DPP10: variants seen among roughly 807,000 people sequenced by gnomAD.
DPP10 encodes the protein dipeptidyl peptidase like 10, also known as inactive dipeptidyl peptidase 10.
Under a neutral mutation model 120.9 loss-of-function variants are expected in DPP10, and 33 were observed. The observed-to-expected ratio is 0.27, with a 90% confidence interval of 0.21 to 0.37. DPP10 has a LOEUF of 0.37. Among genes scored for constraint, DPP10 ranks in the 10% least tolerant of loss-of-function variants. DPP10 has a pLI of 1.00. For missense variants in DPP10, 816 were observed against 942.8 expected, an observed-to-expected ratio of 0.87 and a Z score of 1.76; for synonymous variants, 337 against 326.1, an observed-to-expected ratio of 1.03 and a Z score of -0.36.
chr2:114,878,299 T>G (rs1320828912), intron 1 of DPP10, among the ~76,000 whole-genome samples: 2 of 152,080 alleles, frequency 1.3e-5, no homozygotes, highest in Non-Finnish European at 2.9e-5. Flanking sequence ...TCATTTATAT[T>G]TTATTGATAC....
chr2:115,712,540 T>TTTTATATATATATATATATATATA lies in DPP10; in HGVS notation c.577-15275_577-15274insTTATATATATATATATATATATAT, dbSNP rs778592374. ...AGAAATAGCTTTGAAGAGTCCTGAATTAAATATATATATATATATATATAT... is the reference window on the plus strand; with the variant it reads ...AGAAATAGCTTTGAAGAGTCCTGAATTTTATATATATATATATATATATATAAATATATATATATATATATATAT... On this transcript the variant is annotated intron_variant, in intron 7 of 25. Coordinates refer to ENST00000410059, the MANE Select transcript of DPP10 (RefSeq NM_020868.6). Among the ~76,000 whole-genome samples, 131 of 18,052 alleles carry TTTTATATATATATATATATATATA rather than the reference T, an allele frequency of 7.3e-3. 5 individuals carry two copies. The highest frequency in any genetic ancestry group is 0.072 in the East Asian group (20 of 278). The allele number at this position is 18,052 out of a possible 152,430, so 11.8% of individuals were successfully genotyped here. A position where few individuals can be genotyped will look rare whatever the true frequency, so the allele number is the denominator to read the frequency against.
intron 3 of DPP10, among the ~76,000 whole-genome samples, chr2:115,382,201 A>G (rs1045636706): frequency 6.6e-5 from 10 of 152,078 alleles, no homozygotes; most frequent in East Asian, 1.9e-4. Context: ...TGTGCTATCA[A>G]TCAGCGAGAC....
chr2:115,238,132 C>A (rs942538060), intron 1 of DPP10, among the ~76,000 whole-genome samples: 2 of 152,146 alleles, frequency 1.3e-5, no homozygotes, highest in African/African-American at 4.8e-5. Flanking sequence ...GACAGGCTGA[C>A]TCTTTTGTTA....
chr2:115,518,685 T>G (rs1311956741), intron 4 of DPP10, among the ~76,000 whole-genome samples: 1 of 152,070 alleles, frequency 6.6e-6, no homozygotes, highest in African/African-American at 2.4e-5. Context: ...GAAATTATAC[T>G]CTGTAAAATG....
intron 19 of DPP10, among the ~76,000 whole-genome samples, chr2:115,811,880 G>A (rs1241688363): frequency 6.6e-5 from 10 of 152,204 alleles, no homozygotes; most frequent in South Asian, 4.1e-4. Flanking sequence ...ACAACTAGCC[G>A]AAATTCTTTA....
intron 15 of DPP10, 30 bp from the exon 16 acceptor site, chr2:115,780,844 T>C (rs763974083): frequency 6.3e-7 from 1 of 1,587,926 alleles, no homozygotes; most frequent in Non-Finnish European, 8.6e-7. Context: ...TAGTAGCATT[T>C]CTATAATAAC....
At chr2:115,737,660 C>G (rs2149681810) in intron 8 of DPP10, among the ~76,000 whole-genome samples, 1 of 152,224 alleles carries the variant, frequency 6.6e-6, no homozygotes, top group South Asian at 2.1e-4. Context: ...CCCTGGTACA[C>G]TGATTCTACT....
intron 1 of DPP10, among the ~76,000 whole-genome samples, chr2:114,445,237 C>T (rs551484129): frequency 1.7e-3 from 265 of 152,046 alleles, no homozygotes; most frequent in African/African-American, 5.7e-3. Context: ...AGTAACCCTC[C>T]CTCATGGAAT....
chr2:114,559,587 G>T (rs1688590001), intron 1 of DPP10, among the ~76,000 whole-genome samples: 3 of 152,028 alleles, frequency 2.0e-5, no homozygotes, highest in Non-Finnish European at 4.4e-5. Context: ...TCCTCACATT[G>T]AACCCTACCC....
intron 1 of DPP10, among the ~76,000 whole-genome samples, chr2:115,128,417 A>C (rs947789637): frequency 6.6e-6 from 1 of 152,190 alleles, no homozygotes; most frequent in East Asian, 1.9e-4. Context: ...TTGCAATTGC[A>C]CTTAAACCAA....
chr2:115,752,191 A>T (rs1575678746), intron 10 of DPP10, among the ~76,000 whole-genome samples: 1 of 152,182 alleles, frequency 6.6e-6, no homozygotes, highest in Non-Finnish European at 1.5e-5. Context: ...GAGATTGGGC[A>T]TGTTCAGGAT....
At chr2:115,554,235 A>G (rs2080068494) in intron 5 of DPP10, among the ~76,000 whole-genome samples, 1 of 151,782 alleles carries the variant, frequency 6.6e-6, no homozygotes, top group Non-Finnish European at 1.5e-5. Context: ...AAAAAATGGG[A>G]TGCAAATCAC....
intron 1 of DPP10, among the ~76,000 whole-genome samples, chr2:114,501,203 T>C (rs1683142536): frequency 6.6e-6 from 1 of 152,144 alleles, no homozygotes; most frequent in African/African-American, 2.4e-5. Flanking sequence ...CTACTATCTT[T>C]ACCTCCATTT....
intron 1 of DPP10, among the ~76,000 whole-genome samples, chr2:114,840,591 C>T (rs1042809689): frequency 6.6e-6 from 1 of 152,082 alleles, no homozygotes; most frequent in Non-Finnish European, 1.5e-5. Flanking sequence ...AAGAAAGCCT[C>T]CCTTAAAATC....
chr2:115,286,764 C>T (rs1475752070), intron 1 of DPP10, among the ~76,000 whole-genome samples: 2 of 151,066 alleles, frequency 1.3e-5, no homozygotes, highest in East Asian at 3.9e-4. Context: ...CCACTGTTGT[C>T]TGGACTCCCC....
At chr2:114,846,893 G>A (rs1039109141) in intron 1 of DPP10, among the ~76,000 whole-genome samples, 8 of 152,106 alleles carry the variant, frequency 5.3e-5, no homozygotes, top group Non-Finnish European at 1.0e-4. Flanking sequence ...ATAGTCACAG[G>A]AGCAAAGCAT....
At chr2:114,932,521 T>C (rs776626703) in intron 1 of DPP10, among the ~76,000 whole-genome samples, 8 of 152,150 alleles carry the variant, frequency 5.3e-5, no homozygotes, top group African/African-American at 7.2e-5. Flanking sequence ...TTACAGACAA[T>C]ATTTTGAGTA....
intron 1 of DPP10, among the ~76,000 whole-genome samples, chr2:114,927,819 C>T (rs778533498): frequency 3.5e-4 from 53 of 152,306 alleles, no homozygotes; most frequent in Non-Finnish European, 6.5e-4. Flanking sequence ...TCCATATGCT[C>T]AGCTGCTGGT....
intron 1 of DPP10, among the ~76,000 whole-genome samples, chr2:114,861,206 G>A (rs1689783762): frequency 6.6e-6 from 1 of 152,156 alleles, no homozygotes; most frequent in African/African-American, 2.4e-5. Context: ...TGCCAGAACA[G>A]AGAGTAGGCA....
Sources: gnomAD v4.1 joint callset for allele counts (sites outside exome capture counted in the v4.1 genomes callset) on GRCh38, gnomAD v4.1.1 for gene constraint, MANE v1.5 for transcripts, NCBI Gene and HGNC (gene_info 2026-07-23, HGNC 2026-07-21) for gene names.